The following SMYD3 variants were observed in gnomAD, a reference collection of about 807,000 sequenced individuals.
The protein encoded by SMYD3 is histone-lysine N-methyltransferase SMYD3.
Under a neutral mutation model 57.7 loss-of-function variants are expected in SMYD3, and 36 were observed. That is an observed-to-expected ratio of 0.62 (90% CI 0.48 to 0.82). The LOEUF (loss-of-function observed/expected upper bound fraction) is 0.82. Ranked by LOEUF, SMYD3 falls within the 40% of genes least tolerant of loss-of-function variation. The probability of loss-of-function intolerance (pLI) is 0.00; values close to 1 mark genes in which losing one functional copy is unlikely to be tolerated. For synonymous variants in SMYD3, 211 were observed against 195.0 expected (o/e 1.08, Z -0.68); for missense variants, 515 against 538.8 (o/e 0.96, Z 0.44).
At chr1:246,351,891 T>G (rs982149650) in intron 2 of SMYD3, among the ~76,000 whole-genome samples, 1 of 152,028 alleles carries the variant, frequency 6.6e-6, no homozygotes, top group Non-Finnish European at 1.5e-5. Flanking sequence ...ATCCCAGCAC[T>G]TTGGGAGGCC....
chr1:245,771,952 A>T (rs1482972921), intron 10 of SMYD3, among the ~76,000 whole-genome samples: 2 of 152,094 alleles, frequency 1.3e-5, no homozygotes, highest in Non-Finnish European at 2.9e-5. Flanking sequence ...ACCTTAATTC[A>T]CCCAGGCTGC....
intron 11 of SMYD3, 27 bp from the exon 12 acceptor site, chr1:245,749,691 T>C: frequency 6.3e-7 from 1 of 1,590,694 alleles, no homozygotes; most frequent in Non-Finnish European, 8.6e-7. Context: ...GAAGAGAGAT[T>C]AGACCCCAAA....
intron 11 of SMYD3, among the ~76,000 whole-genome samples, chr1:245,753,351 C>A (rs776702107): frequency 3.9e-5 from 6 of 151,900 alleles, no homozygotes; most frequent in Non-Finnish European, 5.9e-5. Context: ...GAAAGATGGG[C>A]AGATGTAGAT....
intron 1 of SMYD3, among the ~76,000 whole-genome samples, chr1:246,473,122 G>T (rs1206881543): frequency 1.3e-5 from 2 of 152,114 alleles, no homozygotes; most frequent in Non-Finnish European, 2.9e-5. Context: ...CTCCCAAAGT[G>T]CTGGGATTAC....
At chr1:246,432,839 T>G (rs2067318220) in intron 1 of SMYD3, among the ~76,000 whole-genome samples, 1 of 152,210 alleles carries the variant, frequency 6.6e-6, no homozygotes, top group South Asian at 2.1e-4. Context: ...GATCACTCCC[T>G]CAAATTAATT....
intron 5 of SMYD3, among the ~76,000 whole-genome samples, chr1:246,005,380 G>T (rs1486571936): frequency 6.6e-6 from 1 of 152,232 alleles, no homozygotes; most frequent in Non-Finnish European, 1.5e-5. Flanking sequence ...AGCCAACGCT[G>T]TACTTGGAAC....
At chr1:245,933,876 A>G (rs2147863627) in intron 5 of SMYD3, among the ~76,000 whole-genome samples, 1 of 152,330 alleles carries the variant, frequency 6.6e-6, no homozygotes, top group South Asian at 2.1e-4. Flanking sequence ...GAACAGCCAT[A>G]AGCAAACTCA....
intron 5 of SMYD3, among the ~76,000 whole-genome samples, chr1:246,023,033 C>T (rs2148232825): frequency 6.6e-6 from 1 of 152,238 alleles, no homozygotes; most frequent in African/African-American, 2.4e-5. Context: ...AGTATACCAC[C>T]GAACTTCTCT....
intron 1 of SMYD3, among the ~76,000 whole-genome samples, chr1:246,478,807 T>C: frequency 1.2e-5 from 1 of 81,338 alleles, no homozygotes; most frequent in African/African-American, 3.5e-5. Context: ...AGCTGGTACA[T>C]AAGTGCTCAT....
At chr1:246,171,803 G>A (rs1156966771) in intron 5 of SMYD3, among the ~76,000 whole-genome samples, 1 of 152,170 alleles carries the variant, frequency 6.6e-6, no homozygotes, top group Non-Finnish European at 1.5e-5. Context: ...TTGAGGCCGG[G>A]AGTTTGAGAC....
At chr1:246,303,802 C>G (rs1034860561) in intron 5 of SMYD3, among the ~76,000 whole-genome samples, 5 of 152,134 alleles carry the variant, frequency 3.3e-5, no homozygotes, top group African/African-American at 1.2e-4. Context: ...ATTCTAATTA[C>G]AAAAATTCAG....
chr1:246,425,677 C>T (rs574589600), intron 1 of SMYD3, among the ~76,000 whole-genome samples: 7 of 152,300 alleles, frequency 4.6e-5, no homozygotes, highest in African/African-American at 1.7e-4. Context: ...CCAATAGTTG[C>T]GGCCTGTTCA....
chr1:246,128,591 TAG>T (rs1205183726), intron 5 of SMYD3, among the ~76,000 whole-genome samples: 7 of 152,236 alleles, frequency 4.6e-5, no homozygotes, highest in African/African-American at 1.7e-4. Context: ...AACTGGGATT[TAG>T]AGAGAGTACA....
intron 10 of SMYD3, among the ~76,000 whole-genome samples, chr1:245,851,336 T>C (rs2050965681): frequency 6.6e-6 from 1 of 152,160 alleles, no homozygotes; most frequent in Non-Finnish European, 1.5e-5. Context: ...AATATTTTTG[T>C]TGAAAAGGAT....
At chr1:245,754,554 A>C (rs1036541788) in intron 11 of SMYD3, among the ~76,000 whole-genome samples, 2 of 152,196 alleles carry the variant, frequency 1.3e-5, no homozygotes, top group African/African-American at 4.8e-5. Context: ...GGTACAACAC[A>C]TTAAGCAGCT....
intron 5 of SMYD3, among the ~76,000 whole-genome samples, chr1:246,168,133 T>C (rs528863882): frequency 1.3e-5 from 2 of 152,314 alleles, no homozygotes; most frequent in Middle Eastern, 3.4e-3. Flanking sequence ...CCAAAATATC[T>C]TAAGAGTAAA....
intron 1 of SMYD3, among the ~76,000 whole-genome samples, chr1:246,498,682 G>T (rs972180464): frequency 6.4e-5 from 9 of 140,276 alleles, no homozygotes; most frequent in African/African-American, 2.5e-4. Flanking sequence ...AGTGAGCCGA[G>T]ATCGCACCAC....
intron 1 of SMYD3, chr1:246,483,414 G>A (rs1230612775): frequency 6.6e-6 from 1 of 152,124 alleles, no homozygotes; most frequent in African/African-American, 2.4e-5. Context: ...CATGTCTTGA[G>A]ACTAACATCA....
At chr1:246,475,059 G>A (rs1292571837) in intron 1 of SMYD3, among the ~76,000 whole-genome samples, 1 of 152,152 alleles carries the variant, frequency 6.6e-6, no homozygotes, top group Non-Finnish European at 1.5e-5. Context: ...GCTCACATCT[G>A]TAATCCCAGC....
Sources: gnomAD v4.1 joint callset for allele counts (sites outside exome capture counted in the v4.1 genomes callset) on GRCh38, gnomAD v4.1.1 for gene constraint, MANE v1.5 for transcripts, NCBI Gene and HGNC (gene_info 2026-07-23, HGNC 2026-07-21) for gene names.